The following PRP4K variants were observed in gnomAD, a reference collection of about 807,000 sequenced individuals.
PRP4K encodes the protein pre-mRNA processing factor kinase PRP4K, also known as serine/threonine-protein kinase PRP4 homolog.
the PRP4K span, chr6:4,049,466 G>A: frequency 8.4e-6 from 4 of 476,738 alleles, no homozygotes; most frequent in South Asian, 3.6e-5. Context: ...TTTGTCATGC[G>A]GGACTACAAT....
At chr6:4,044,296 G>T in the PRP4K span, 1 of 353,628 alleles carries the variant, frequency 2.8e-6, no homozygotes, top group Non-Finnish European at 5.2e-6. Flanking sequence ...ATCCAATTAT[G>T]ATTTTATTCC....
the PRP4K span, chr6:4,061,449 T>A: frequency 6.6e-6 from 1 of 152,670 alleles, no homozygotes; most frequent in Admixed American, 6.5e-5. Context: ...TAGTTCCTAG[T>A]GACATAGAAA....
chr6:4,036,314 C>G, the PRP4K span, among the ~76,000 whole-genome samples: 2 of 152,074 alleles, frequency 1.3e-5, no homozygotes, highest in Non-Finnish European at 2.9e-5. Context: ...CTCTGCCTCC[C>G]AGGCTTACAC....
At chr6:4,021,543 A>T in the PRP4K span, 3 of 1,542,030 alleles carry the variant, frequency 1.9e-6, no homozygotes, top group Non-Finnish European at 2.6e-6. Context: ...GTGGCGGGAA[A>T]GTTCGGGCCT....
At chr6:4,021,384 G>A in the PRP4K span, 3 of 1,559,790 alleles carry the variant, frequency 1.9e-6, no homozygotes, top group South Asian at 2.4e-5. Context: ...TCCACCGTCC[G>A]GGAGCCGCCG....
the PRP4K span, among the ~76,000 whole-genome samples, chr6:4,051,297 GT>G: frequency 1.3e-5 from 2 of 151,942 alleles, no homozygotes; most frequent in Admixed American, 6.6e-5. Flanking sequence ...GTTTTGTTTT[GT>G]TTTTTTGTTT....
chr6:4,060,718 AT>A, the PRP4K span: 1 of 1,062,880 alleles, frequency 9.4e-7, no homozygotes, highest in East Asian at 2.6e-5. The surrounding 1 kb of genome is among the most constrained non-coding windows in gnomAD (Gnocchi z 4.7). Flanking sequence ...TCTCCAGCAA[AT>A]TTGAGGAAGC....
chr6:4,049,677 T>A, the PRP4K span: 1 of 1,519,486 alleles, frequency 6.6e-7, no homozygotes, highest in Non-Finnish European at 9.0e-7. Context: ...TGTTTCCTAC[T>A]TTCTGATTCT....
the PRP4K span, chr6:4,044,044 C>CGACGCTTTTCTCT: frequency 6.2e-7 from 1 of 1,600,616 alleles, no homozygotes; most frequent in Non-Finnish European, 8.6e-7. Flanking sequence ...TTTGTCCTGG[C>CGACGCTTTTCTCT]GACGCTTTTC....
At chr6:4,024,596 T>G in the PRP4K span, among the ~76,000 whole-genome samples, 1 of 152,132 alleles carries the variant, frequency 6.6e-6, no homozygotes, top group Non-Finnish European at 1.5e-5. Flanking sequence ...ACACTGGTGG[T>G]TGGTGATTGG....
the PRP4K span, among the ~76,000 whole-genome samples, chr6:4,044,863 A>ATTATTT: frequency 1.1e-4 from 15 of 132,298 alleles, no homozygotes; most frequent in East Asian, 4.2e-4. Context: ...TATTATTATT[A>ATTATTT]TTTTTTTTTT....
At chr6:4,052,171 G>T in the PRP4K span, 13 of 1,427,806 alleles carry the variant, frequency 9.1e-6, no homozygotes, top group Non-Finnish European at 1.2e-5. Flanking sequence ...GATAAATGCT[G>T]TAACAGATTT....
chr6:4,055,040 C>T, the PRP4K span, among the ~76,000 whole-genome samples: 4 of 152,256 alleles, frequency 2.6e-5, no homozygotes, highest in South Asian at 2.1e-4. Flanking sequence ...ACCTTAATGA[C>T]GGAGCTGATT....
chr6:4,047,004 C>T, the PRP4K span, among the ~76,000 whole-genome samples: 5 of 152,202 alleles, frequency 3.3e-5, 1 homozygote, highest in South Asian at 2.1e-4. Context: ...AAAGTGAATA[C>T]CTTTATGTAT....
At chr6:4,047,009 A>G in the PRP4K span, among the ~76,000 whole-genome samples, 1 of 152,190 alleles carries the variant, frequency 6.6e-6, no homozygotes, top group African/African-American at 2.4e-5. Context: ...GAATACCTTT[A>G]TGTATCATAA....
At chr6:4,056,530 C>T in the PRP4K span, 1 of 1,605,752 alleles carries the variant, frequency 6.2e-7, no homozygotes, top group Non-Finnish European at 8.5e-7. Context: ...ACTTCAGCAG[C>T]TGCACGAGTT....
the PRP4K span, chr6:4,044,241 C>G: frequency 8.2e-6 from 4 of 485,418 alleles, no homozygotes; most frequent in African/African-American, 2.0e-5. Flanking sequence ...ATACTGAACT[C>G]TCACATATTC....
At chr6:4,037,383 T>A in the PRP4K span, 2 of 1,546,114 alleles carry the variant, frequency 1.3e-6, no homozygotes, top group African/African-American at 2.8e-5. Flanking sequence ...TAACTTGCAT[T>A]TGATCCCCTT....
chr6:4,032,724 G>C, the PRP4K span: 8 of 1,586,520 alleles, frequency 5.0e-6, no homozygotes, highest in Non-Finnish European at 5.1e-6. Context: ...AAAACGACGA[G>C]AACCAGAGAG....
Sources: allele counts gnomAD v4.1 joint callset (sites outside exome capture counted in the v4.1 genomes callset), GRCh38; gene constraint gnomAD v4.1.1; non-coding constraint Gnocchi (gnomAD v3.1); transcripts MANE v1.5; gene names NCBI Gene and HGNC (gene_info 2026-07-23, HGNC 2026-07-21).